GRID2: variants seen among roughly 807,000 people sequenced by gnomAD.
GRID2 encodes the protein glutamate ionotropic receptor delta type subunit 2, also known as glutamate receptor ionotropic, delta-2.
GRID2 carries 33 observed loss-of-function variants against 114.8 expected under a neutral mutation model. The observed-to-expected ratio is 0.29, with a 90% CI of 0.22 to 0.38. GRID2 has a LOEUF of 0.38. Among genes scored for constraint, GRID2 ranks in the 10% least tolerant of loss-of-function variants. The pLI is 1.00. For synonymous variants in GRID2, 505 were observed against 449.9 expected, an observed-to-expected ratio of 1.12 and a Z score of -1.55; for missense variants, 1,184 against 1,257.7, an observed-to-expected ratio of 0.94 and a Z score of 0.89.
chr4:93,357,780 T>C (rs1247887882), intron 8 of GRID2, among the ~76,000 whole-genome samples: 1 of 151,740 alleles, frequency 6.6e-6, no homozygotes, highest in Non-Finnish European at 1.5e-5. Context: ...ATTTTATCTG[T>C]CACAACTTGG....
intron 2 of GRID2, among the ~76,000 whole-genome samples, chr4:92,690,402 T>C (rs140911325): frequency 6.6e-6 from 1 of 152,276 alleles, no homozygotes; most frequent in East Asian, 1.9e-4. Context: ...TGCTGTCTTA[T>C]ATGAGTGTCG....
chr4:93,712,704 T>C (rs1048815862), intron 14 of GRID2, among the ~76,000 whole-genome samples: 3 of 152,184 alleles, frequency 2.0e-5, no homozygotes, highest in Admixed American at 6.5e-5. Flanking sequence ...ATAAATTATT[T>C]TATTTCCATA....
At chr4:93,626,717 A>G (rs772880101) in intron 14 of GRID2, among the ~76,000 whole-genome samples, 5 of 152,220 alleles carry the variant, frequency 3.3e-5, no homozygotes, top group Non-Finnish European at 5.9e-5. Context: ...GTGTGTTAGT[A>G]ATTTCTATTA....
At chr4:93,447,530 A>G (rs1722202945) in intron 10 of GRID2, among the ~76,000 whole-genome samples, 1 of 152,024 alleles carries the variant, frequency 6.6e-6, no homozygotes, top group Non-Finnish European at 1.5e-5. Context: ...AACAGTAAGT[A>G]CAACTTTATC....
rs1366343560 is a variant in GRID2, at chr4:92,667,217, T to C, written c.244+76931T>C. 4.0e-5 allele frequency among the ~76,000 whole-genome samples: 6 copies of C among 151,802 alleles called. No individual in the cohort carries two copies. The East Asian group carries it at 1.2e-3, about 29-fold the overall frequency. On this transcript the variant is annotated intron_variant, in intron 2 of 15. Transcript: ENST00000282020. ...GGAAAGATTTTTGCTTGTGTAATTA[T>C]TGTCTGAGTGAGAAAACTTATTATT...
intron 10 of GRID2, among the ~76,000 whole-genome samples, chr4:93,439,252 C>T (rs921728281): frequency 5.9e-5 from 9 of 152,130 alleles, no homozygotes; most frequent in East Asian, 1.9e-4. Flanking sequence ...CCTGAGGAAT[C>T]GCCACACTGA....
intron 2 of GRID2, among the ~76,000 whole-genome samples, chr4:92,608,821 T>C (rs527494640): frequency 7.9e-5 from 12 of 151,972 alleles, no homozygotes; most frequent in Non-Finnish European, 1.5e-4. Flanking sequence ...TTGTTTATTC[T>C]GAATAAAACA....
At chr4:93,777,299 T>C (rs1392360719), downstream of GRID2, among the ~76,000 whole-genome samples, 1 of 152,232 alleles carries the variant, frequency 6.6e-6, no homozygotes, top group Non-Finnish European at 1.5e-5. Flanking sequence ...AATTCCTATG[T>C]CGTCAATAGT....
chr4:92,807,623 C>T (rs978055935), intron 2 of GRID2, among the ~76,000 whole-genome samples: 7 of 151,742 alleles, frequency 4.6e-5, no homozygotes, highest in Admixed American at 4.6e-4. Context: ...AGACATTGGC[C>T]AATTAATTTA....
At chr4:92,746,194 A>ATTT (rs1249866892) in intron 2 of GRID2, among the ~76,000 whole-genome samples, 2 of 152,126 alleles carry the variant, frequency 1.3e-5, no homozygotes, top group Non-Finnish European at 1.5e-5. Flanking sequence ...ATGGTACCTG[A>ATTT]TTAAATAGTC....
At chr4:92,471,658 T>C (rs1008095888) in intron 1 of GRID2, among the ~76,000 whole-genome samples, 3 of 152,096 alleles carry the variant, frequency 2.0e-5, no homozygotes. Context: ...CAAATTTAAA[T>C]TGTACACTTT....
At chr4:92,798,304 G>A (rs1434490356) in intron 2 of GRID2, among the ~76,000 whole-genome samples, 5 of 151,866 alleles carry the variant, frequency 3.3e-5, no homozygotes, top group African/African-American at 7.3e-5. Flanking sequence ...TACCTGATGA[G>A]CTATTAAAAG....
At chr4:93,079,138 A>G (rs1729627119) in intron 2 of GRID2, among the ~76,000 whole-genome samples, 1 of 151,620 alleles carries the variant, frequency 6.6e-6, no homozygotes, top group African/African-American at 2.4e-5. Context: ...ACTCCAAACA[A>G]AATAAAAATA....
At chr4:93,628,342 A>G (rs1484106944) in intron 14 of GRID2, among the ~76,000 whole-genome samples, 1 of 152,126 alleles carries the variant, frequency 6.6e-6, no homozygotes, top group Non-Finnish European at 1.5e-5. Context: ...GTGTGTTGAT[A>G]TATATGTATA....
At chr4:92,489,466 A>G (rs4321032) in intron 1 of GRID2, among the ~76,000 whole-genome samples, 4,759 of 152,274 alleles carry the variant, frequency 0.031, 96 homozygotes, top group Non-Finnish European at 0.042. Flanking sequence ...TCCATGTAAC[A>G]ACAATAATAA....
chr4:92,448,522 T>C (rs1006780603), intron 1 of GRID2, among the ~76,000 whole-genome samples: 1 of 152,058 alleles, frequency 6.6e-6, no homozygotes, highest in African/African-American at 2.4e-5. Context: ...CCAAATTATA[T>C]ACAAATTAAG....
intron 2 of GRID2, among the ~76,000 whole-genome samples, chr4:92,808,024 A>G (rs1740499518): frequency 6.6e-6 from 1 of 152,054 alleles, no homozygotes; most frequent in African/African-American, 2.4e-5. Context: ...TTCCCAGATT[A>G]TCTGGGTGAT....
chr4:93,438,535 C>G (rs1436693152), intron 10 of GRID2, among the ~76,000 whole-genome samples: 1 of 151,782 alleles, frequency 6.6e-6, no homozygotes, highest in African/African-American at 2.4e-5. Flanking sequence ...CTGAGGTAGG[C>G]CTGAGAATGC....
chr4:93,023,254 A>G (rs1363333220), intron 2 of GRID2, among the ~76,000 whole-genome samples: 3 of 151,886 alleles, frequency 2.0e-5, no homozygotes, highest in African/African-American at 7.2e-5. Context: ...TATTTTCCTG[A>G]ATGATATGTA....
Sources: allele counts gnomAD v4.1 joint callset (sites outside exome capture counted in the v4.1 genomes callset), GRCh38; gene constraint gnomAD v4.1.1; transcripts MANE v1.5; gene names NCBI Gene and HGNC (gene_info 2026-07-23, HGNC 2026-07-21).